RALGPS1: variants seen among roughly 807,000 people sequenced by gnomAD.
RALGPS1 encodes the protein Ral GEF with PH domain and SH3 binding motif 1.
Under a neutral mutation model 78.8 loss-of-function variants are expected in RALGPS1, and 19 were observed. The observed-to-expected ratio is 0.24, with a 90% CI of 0.17 to 0.35. RALGPS1 has a LOEUF of 0.35. Ranked by LOEUF, RALGPS1 falls within the 10% of genes least tolerant of loss-of-function variation. The probability of loss-of-function intolerance (pLI) is 1.00; values close to 1 mark genes in which losing one functional copy is unlikely to be tolerated. For synonymous variants in RALGPS1, 228 were observed against 256.3 expected, an observed-to-expected ratio of 0.89 and a Z score of 1.06; for missense variants, 454 against 688.3, an observed-to-expected ratio of 0.66 and a Z score of 3.81.
chr9:127,034,291 C>T (rs1185045441), intron 4 of RALGPS1, 140 bp from the exon 5 acceptor site: 2 of 722,752 alleles, frequency 2.8e-6, no homozygotes, highest in Admixed American at 2.1e-5. Flanking sequence ...CAGCCCTTCT[C>T]TTCCACCTAG....
intron 8 of RALGPS1, among the ~76,000 whole-genome samples, chr9:127,159,678 G>T (rs1326515043): frequency 6.6e-6 from 1 of 152,196 alleles, no homozygotes; most frequent in Non-Finnish European, 1.5e-5. Context: ...GGGAGCCTGG[G>T]CCGCCTGCTG....
intron 8 of RALGPS1, among the ~76,000 whole-genome samples, chr9:127,164,580 C>T (rs1421400775): frequency 6.7e-5 from 9 of 133,520 alleles, no homozygotes; most frequent in Non-Finnish European, 1.1e-4. Context: ...TGCTCTGTCA[C>T]CCAGGCTGGA....
rs1158599891 is a variant in RALGPS1 at position 127,218,657 on chromosome 9, C to T, written c.1645-83C>T. On this transcript the variant is annotated intron_variant, in intron 18 of 18. Coordinates refer to ENST00000259351, the MANE Select transcript of RALGPS1 (RefSeq NM_014636.3). This position sits in a 1 kb window ranked among gnomAD's most constrained non-coding sequence, Gnocchi z 4.4. ...TCATTCCCAGACTCACGGGGAAAGGCCTGTCCCTTCCCCTAGGGACCACCA... is the reference window on the plus strand; with the variant it reads ...TCATTCCCAGACTCACGGGGAAAGGTCTGTCCCTTCCCCTAGGGACCACCA... 7.1e-7 allele frequency: 1 copy of T among 1,410,412 alleles called. No individual in the cohort carries two copies. 87.4% of individuals were successfully genotyped at this position (1,410,412 alleles called of 1,614,324 possible).
chr9:126,939,420 A>G (rs577691032), intron 1 of RALGPS1, among the ~76,000 whole-genome samples: 267 of 152,350 alleles, frequency 1.8e-3, no homozygotes, highest in African/African-American at 6.1e-3. Context: ...CATGTATCCC[A>G]TGCCAGGCAC....
At chr9:127,139,993 C>A (rs947027511) in intron 8 of RALGPS1, among the ~76,000 whole-genome samples, 1 of 152,192 alleles carries the variant, frequency 6.6e-6, no homozygotes, top group African/African-American at 2.4e-5. Context: ...CTTTGGGAAA[C>A]GCAGAGATGA....
intron 11 of RALGPS1, chr9:127,178,197 C>G (rs2059994606): frequency 2.2e-6 from 1 of 447,322 alleles, no homozygotes; most frequent in East Asian, 5.4e-5. Context: ...CCCTGGCCTC[C>G]CTTTCCTCCA....
At chr9:127,088,854 TGAG>T in intron 8 of RALGPS1, 2 of 1,487,902 alleles carry the variant, frequency 1.3e-6, no homozygotes, top group South Asian at 2.3e-5. Flanking sequence ...GATGAACTGG[TGAG>T]GAGTTGTTCT....
rs577004940 is a variant in RALGPS1 at position 127,180,970 on chromosome 9, T to C, written c.910+6188T>C. Among the ~76,000 whole-genome samples, 70 of 152,360 alleles carry C rather than the reference T, an allele frequency of 4.6e-4. No homozygotes were observed. In the Middle Eastern group the frequency reaches 0.014, roughly 30 times the overall value. ...TCCTGACAGCATGGCAGCCTCAGTA[T>C]TGCAGCCTCCTGCAGGGCAGCTGGC... is the stretch of plus-strand genomic sequence containing the variant. On this transcript the variant is annotated intron_variant, in intron 11 of 18. Transcript: ENST00000259351.
intron 4 of RALGPS1, among the ~76,000 whole-genome samples, chr9:127,022,337 A>G (rs1041143740): frequency 2.0e-5 from 3 of 152,110 alleles, no homozygotes; most frequent in Non-Finnish European, 4.4e-5. Flanking sequence ...AGAAAATGCA[A>G]ATATCCCGTG....
At chr9:127,118,077 A>G (rs901394021) in intron 8 of RALGPS1, among the ~76,000 whole-genome samples, 6 of 152,086 alleles carry the variant, frequency 3.9e-5, no homozygotes, top group African/African-American at 1.2e-4. Context: ...TATTTTTGAG[A>G]TGGAGTCTTG....
At chr9:127,175,313 G>T (rs906985699) in intron 11 of RALGPS1, among the ~76,000 whole-genome samples, 7 of 152,200 alleles carry the variant, frequency 4.6e-5, no homozygotes, top group Non-Finnish European at 8.8e-5. Context: ...CACTTTACCT[G>T]TAATCTTCAG....
intron 7 of RALGPS1, among the ~76,000 whole-genome samples, chr9:127,058,009 A>G (rs1336093740): frequency 6.6e-6 from 1 of 152,224 alleles, no homozygotes; most frequent in Admixed American, 6.5e-5. Flanking sequence ...ATGCTAAAGT[A>G]CAGGCCTAAC....
chr9:127,212,758 C>A lies in RALGPS1; in HGVS notation c.1446+39C>A. 1 of 1,562,178 alleles carries A rather than the reference C, an allele frequency of 6.4e-7. No individual in the cohort carries two copies. On this transcript the variant is annotated intron_variant, in intron 16 of 18. Coordinates refer to ENST00000259351, the MANE Select transcript of RALGPS1 (RefSeq NM_014636.3). The surrounding 1 kb of genome is among the most constrained non-coding windows in gnomAD (Gnocchi z 6.0). ...AAGGACTCTAGTGCTGGGACTTCCT[C>A]TAGTGGGGAAGGGACCTCTGTGAAC...
In RALGPS1 at chr9:127,050,277, C is replaced by T; in HGVS notation, c.390+145C>T. 4 of 714,634 alleles carry T rather than the reference C, an allele frequency of 5.6e-6. No individual in the cohort carries two copies. In the East Asian group the frequency reaches 8.1e-5, roughly 14 times the overall value. 44.3% of individuals were successfully genotyped at this position (714,634 alleles called of 1,614,324 possible). ...CAAACAGGGTGCTGTGGCTTGACTT[C>T]CCTAGGCAGAGCCAGCTGTTAGACC... On this transcript the variant is annotated intron_variant, in intron 6 of 18. Transcript: ENST00000259351.
intron 5 of RALGPS1, among the ~76,000 whole-genome samples, chr9:127,047,591 A>G (rs2047917682): frequency 1.3e-5 from 2 of 151,828 alleles, no homozygotes; most frequent in African/African-American, 4.8e-5. Context: ...CCCAGCTACT[A>G]AGGAGGCTGA....
chr9:126,961,539 C>G (rs566719892), intron 1 of RALGPS1, among the ~76,000 whole-genome samples: 1 of 152,302 alleles, frequency 6.6e-6, no homozygotes, highest in South Asian at 2.1e-4. Flanking sequence ...TGCGGTGGCT[C>G]ACACCTGTAA....
intron 8 of RALGPS1, among the ~76,000 whole-genome samples, chr9:127,124,713 G>A (rs1189533029): frequency 1.3e-5 from 2 of 152,206 alleles, no homozygotes; most frequent in Non-Finnish European, 2.9e-5. Flanking sequence ...TGTTAGAGAG[G>A]TGGAACTTTA....
intron 1 of RALGPS1, among the ~76,000 whole-genome samples, chr9:126,943,946 A>G (rs1422140906): frequency 1.3e-5 from 2 of 152,252 alleles, no homozygotes; most frequent in East Asian, 1.9e-4. Context: ...GAGGTACCTC[A>G]TCGCAGAAGG....
intron 4 of RALGPS1, among the ~76,000 whole-genome samples, chr9:127,000,060 C>T (rs1588938355): frequency 6.6e-6 from 1 of 152,128 alleles, no homozygotes; most frequent in Non-Finnish European, 1.5e-5. Context: ...ATGTCCCCTG[C>T]TCTCATTCCT....
Sources: allele counts gnomAD v4.1 joint callset (sites outside exome capture counted in the v4.1 genomes callset), GRCh38; gene constraint gnomAD v4.1.1; non-coding constraint Gnocchi (gnomAD v3.1); transcripts MANE v1.5; gene names NCBI Gene and HGNC (gene_info 2026-07-23, HGNC 2026-07-21).